The following PDE4D variants were observed in gnomAD, a reference collection of about 807,000 sequenced individuals.
PDE4D encodes 3',5'-cyclic-AMP phosphodiesterase 4D.
Under a neutral mutation model 87.4 loss-of-function variants are expected in PDE4D, and 24 were observed. The observed-to-expected ratio is 0.27, with a 90% CI of 0.20 to 0.39. PDE4D has a LOEUF of 0.39. PDE4D is among the 10% of genes least tolerant of loss of function. PDE4D has a pLI of 1.00. For missense variants in PDE4D, 714 were observed against 1,041.0 expected, an observed-to-expected ratio of 0.69 and a Z score of 4.32; for synonymous variants, 384 against 383.2, an observed-to-expected ratio of 1.00 and a Z score of -0.02.
intron 1 of PDE4D, among the ~76,000 whole-genome samples, chr5:59,340,776 A>G (rs890941156): frequency 1.3e-5 from 2 of 152,282 alleles, no homozygotes; most frequent in Middle Eastern, 3.4e-3. Flanking sequence ...ATGAGAACAT[A>G]CAAAGTTTGT....
intron 1 of PDE4D, among the ~76,000 whole-genome samples, chr5:59,650,981 C>A (rs979532341): frequency 2.6e-5 from 4 of 151,984 alleles, no homozygotes; most frequent in Non-Finnish European, 5.9e-5. Context: ...GTTGGCCGGG[C>A]GCGGTGGCTC....
intron 1 of PDE4D, among the ~76,000 whole-genome samples, chr5:59,489,223 C>G (rs1407194625): frequency 6.6e-6 from 1 of 151,150 alleles, no homozygotes; most frequent in Non-Finnish European, 1.5e-5. Context: ...CAAGATCACA[C>G]CACTGCACTC....
At chr5:60,289,360 C>T (rs746512478) in intron 1 of PDE4D, among the ~76,000 whole-genome samples, 3 of 152,036 alleles carry the variant, frequency 2.0e-5, no homozygotes, top group Non-Finnish European at 4.4e-5. Flanking sequence ...GACATTTTGC[C>T]CTAACTGGTA....
chr5:60,170,625 C>T (rs1783338989), intron 2 of PDE4D, among the ~76,000 whole-genome samples: 2 of 151,892 alleles, frequency 1.3e-5, no homozygotes, highest in South Asian at 2.1e-4. Flanking sequence ...ATAATGAGGC[C>T]TCTGTACACA....
intron 3 of PDE4D, among the ~76,000 whole-genome samples, chr5:59,972,260 A>G (rs1466624456): frequency 6.6e-6 from 1 of 152,126 alleles, no homozygotes; most frequent in Admixed American, 6.6e-5. Context: ...TCTCTCACCT[A>G]TTCTGAAACT....
chr5:59,464,777 T>C (rs1238005951), intron 1 of PDE4D, among the ~76,000 whole-genome samples: 1 of 152,186 alleles, frequency 6.6e-6, no homozygotes, highest in Non-Finnish European at 1.5e-5. Flanking sequence ...AGGAATCATA[T>C]GTGCAAAAAT....
chr5:60,018,532 GAC>G (rs1765741164), intron 2 of PDE4D, among the ~76,000 whole-genome samples: 1 of 152,156 alleles, frequency 6.6e-6, no homozygotes, highest in South Asian at 2.1e-4. Context: ...CCAATTAAAA[GAC>G]ACAGAATGGC....
At chr5:59,000,328 A>G (rs1370807411) in intron 6 of PDE4D, among the ~76,000 whole-genome samples, 1 of 152,214 alleles carries the variant, frequency 6.6e-6, no homozygotes, top group Non-Finnish European at 1.5e-5. Context: ...GCAATCGAGC[A>G]TTTTAATTGC....
intron 1 of PDE4D, among the ~76,000 whole-genome samples, chr5:59,230,137 C>T (rs940271658): frequency 6.6e-6 from 1 of 152,166 alleles, no homozygotes; most frequent in African/African-American, 2.4e-5. Flanking sequence ...TTTCTTCATT[C>T]CTTTTTATTC....
intron 1 of PDE4D, among the ~76,000 whole-genome samples, chr5:59,224,372 A>G (rs1581469327): frequency 1.3e-5 from 2 of 151,976 alleles, no homozygotes; most frequent in African/African-American, 4.8e-5. Context: ...TGAGTAAAAC[A>G]TTAGGTGGTA....
At chr5:59,975,910 C>A (rs1761274298) in intron 3 of PDE4D, among the ~76,000 whole-genome samples, 1 of 152,154 alleles carries the variant, frequency 6.6e-6, no homozygotes, top group African/African-American at 2.4e-5. Flanking sequence ...TGAGTTTGCT[C>A]CCCAGTGAGA....
rs11326205 is a variant in PDE4D at position 60,343,968 on chromosome 5, CTT to C, written c.-90+143972_-90+143973del. On this transcript the variant is annotated intron_variant, in intron 1 of 16. Transcript: ENST00000502484. ...GGTTCAAATACTTAAGATGACTCAT[CTT>C]TTTTTTTTTTTTGGACCATTATCAT... Among the ~76,000 whole-genome samples, 1,066 of 141,638 alleles carry C rather than the reference CTT, an allele frequency of 7.5e-3. 8 individuals carry two copies. The highest frequency in any genetic ancestry group is 0.025 in the African/African-American group (970 of 38,770). 92.9% of individuals were successfully genotyped at this position (141,638 alleles called of 152,430 possible). A position where few individuals can be genotyped will look rare whatever the true frequency, so the allele number is the denominator to read the frequency against.
At chr5:59,124,325 A>G (rs1775047789) in intron 5 of PDE4D, among the ~76,000 whole-genome samples, 1 of 152,164 alleles carries the variant, frequency 6.6e-6, no homozygotes, top group Admixed American at 6.5e-5. Context: ...TTGCTGTAAA[A>G]CCAGGAGCTA....
intron 1 of PDE4D, among the ~76,000 whole-genome samples, chr5:59,374,369 G>A (rs1005833084): frequency 6.6e-6 from 1 of 152,034 alleles, no homozygotes; most frequent in African/African-American, 2.4e-5. Flanking sequence ...AAAAGCAGGG[G>A]TTGCAATCCT....
intron 5 of PDE4D, among the ~76,000 whole-genome samples, chr5:59,054,688 G>A (rs1387772299): frequency 1.3e-5 from 2 of 151,908 alleles, no homozygotes; most frequent in Admixed American, 1.3e-4. Flanking sequence ...CCAATACAGA[G>A]AATTGAAACA....
intron 2 of PDE4D, among the ~76,000 whole-genome samples, chr5:59,213,182 CACAG>C (rs1750463516): frequency 6.8e-6 from 1 of 147,572 alleles, no homozygotes; most frequent in African/African-American, 2.6e-5. Flanking sequence ...TTTTTCCAGA[CACAG>C]TCTTGTCTTC....
At chr5:59,640,815 A>T (rs946007087) in intron 1 of PDE4D, among the ~76,000 whole-genome samples, 10 of 152,232 alleles carry the variant, frequency 6.6e-5, no homozygotes, top group African/African-American at 2.2e-4. Context: ...AACAACAAAC[A>T]AAAAGCTATT....
chr5:59,285,215 A>T (rs1013277866), intron 1 of PDE4D, among the ~76,000 whole-genome samples: 21 of 149,894 alleles, frequency 1.4e-4, no homozygotes, highest in Middle Eastern at 6.8e-3. Flanking sequence ...AGTATAATAA[A>T]AAAAAAAAAA....
chr5:59,929,636 A>C (rs1050224350), intron 3 of PDE4D, among the ~76,000 whole-genome samples: 1 of 152,228 alleles, frequency 6.6e-6, no homozygotes, highest in Non-Finnish European at 1.5e-5. Flanking sequence ...GCAAGCACAC[A>C]GGCACTTGGT....
Sources: allele counts gnomAD v4.1 joint callset (sites outside exome capture counted in the v4.1 genomes callset), GRCh38; gene constraint gnomAD v4.1.1; transcripts MANE v1.5; gene names NCBI Gene and HGNC (gene_info 2026-07-23, HGNC 2026-07-21).